The following TENM4 variants were observed in gnomAD, a reference collection of about 807,000 sequenced individuals.
The protein encoded by TENM4 is teneurin transmembrane protein 4.
In TENM4, 82 loss-of-function variants were observed where a neutral mutation model predicts 243.3. The observed-to-expected ratio is 0.34, with a 90% confidence interval of 0.28 to 0.40. The LOEUF is 0.40. TENM4 is among the 10% of genes least tolerant of loss of function. The pLI is 1.00. For missense variants in TENM4, 3,138 were observed against 3,673.3 expected (o/e 0.85, Z 3.77); for synonymous variants, 1,412 against 1,456.3 (o/e 0.97, Z 0.69).
At chr11:79,433,625 C>G (rs1309400054) in intron 1 of TENM4, among the ~76,000 whole-genome samples, 1 of 152,174 alleles carries the variant, frequency 6.6e-6, no homozygotes, top group Non-Finnish European at 1.5e-5. Context: ...CTCTGATACC[C>G]TTTTGCACTA....
At chr11:79,231,815 A>C (rs1864378976) in intron 2 of TENM4, among the ~76,000 whole-genome samples, 1 of 152,184 alleles carries the variant, frequency 6.6e-6, no homozygotes, top group Non-Finnish European at 1.5e-5. Flanking sequence ...GTGATGGCTC[A>C]TGCCTCATAA....
chr11:78,814,952 C>T (rs1857573346), intron 12 of TENM4, among the ~76,000 whole-genome samples: 1 of 152,204 alleles, frequency 6.6e-6, no homozygotes, highest in South Asian at 2.1e-4. Context: ...CCTCTTGCTC[C>T]TCACCTTGAT....
At chr11:79,186,303 C>T (rs1235911930) in intron 3 of TENM4, among the ~76,000 whole-genome samples, 3 of 152,146 alleles carry the variant, frequency 2.0e-5, no homozygotes, top group African/African-American at 4.8e-5. Context: ...CACCATACAG[C>T]CTCCCGCCCT....
At chr11:79,143,654 T>C (rs1862338405) in intron 4 of TENM4, among the ~76,000 whole-genome samples, 1 of 151,816 alleles carries the variant, frequency 6.6e-6, no homozygotes, top group African/African-American at 2.4e-5. Flanking sequence ...TGTGCACATG[T>C]ATCCTAGAAC....
chr11:78,763,396 G>A (rs920948394), intron 18 of TENM4, among the ~76,000 whole-genome samples: 5 of 152,174 alleles, frequency 3.3e-5, no homozygotes, highest in African/African-American at 1.2e-4. Flanking sequence ...AAAAAAAGAA[G>A]GGGGGCCAGC....
chr11:79,074,965 C>T (rs991095894), intron 4 of TENM4, among the ~76,000 whole-genome samples: 2 of 152,316 alleles, frequency 1.3e-5, no homozygotes, highest in South Asian at 2.1e-4. Flanking sequence ...CCCTGCTGCA[C>T]CTCCGTCTCT....
At chr11:79,079,615 A>T (rs1379311693) in intron 4 of TENM4, among the ~76,000 whole-genome samples, 1 of 152,102 alleles carries the variant, frequency 6.6e-6, no homozygotes, top group East Asian at 1.9e-4. Flanking sequence ...AGATCACTTG[A>T]GGCCGGGAGT....
At chr11:78,674,673 G>T (rs59140225) in intron 30 of TENM4, among the ~76,000 whole-genome samples, 19,315 of 151,942 alleles carry the variant, frequency 0.13, 4,021 homozygotes, top group African/African-American at 0.44. Flanking sequence ...TCAGACGGGG[G>T]AGCTCAGTGA....
chr11:78,713,543 GT>G (rs1466884644), intron 25 of TENM4, among the ~76,000 whole-genome samples: 2 of 152,200 alleles, frequency 1.3e-5, no homozygotes, highest in Non-Finnish European at 2.9e-5. Context: ...AACAGTCTGG[GT>G]TCCAAGTCTA....
rs1205135653 is a variant in TENM4 at position 78,689,203 on chromosome 11, A to C, written c.5088-977T>G. ...TTCAAACTCAGATCTATTTGCTTCC[A>C]AACTGCCACCTGCCTCTCTGTCTTC... is the stretch of plus-strand genomic sequence containing the variant. On this transcript the variant is annotated intron_variant, in intron 28 of 33. Coordinates refer to ENST00000278550, the MANE Select transcript of TENM4 (RefSeq NM_001098816.3). Among the ~76,000 whole-genome samples the C allele has an allele frequency of 3.9e-5, 6 of 152,230 alleles. No individual in the cohort carries two copies. The East Asian group carries it at 1.2e-3, about 29-fold the overall frequency.
At chr11:78,701,185 T>C (rs1452763067) in intron 28 of TENM4, among the ~76,000 whole-genome samples, 1 of 151,896 alleles carries the variant, frequency 6.6e-6, no homozygotes, top group Non-Finnish European at 1.5e-5. Context: ...TAGCACTTCA[T>C]CAGGTAAGTA....
At position 79,350,329 on chromosome 11, in the gene TENM4, C is replaced by T. The variant is rs1005657109; in HGVS notation, c.-320-52786G>A. Among the ~76,000 whole-genome samples, 20 of 152,268 alleles carry T rather than the reference C, an allele frequency of 1.3e-4. 1 individual carries two copies. Among genetic ancestry groups the T allele is most frequent in the Admixed American group, 7.2e-4 (11 of 15,296 alleles). On this transcript the variant is annotated intron_variant, in intron 1 of 33. Coordinates refer to ENST00000278550, the MANE Select transcript of TENM4 (RefSeq NM_001098816.3). ...GTCTTTCCCACCCAGGCACCTCATA[C>T]GCAAATTCCAGCAACCTCTACTGCT...
At chr11:79,005,856 T>C (rs1323957220) in intron 6 of TENM4, among the ~76,000 whole-genome samples, 1 of 152,196 alleles carries the variant, frequency 6.6e-6, no homozygotes, top group African/African-American at 2.4e-5. Context: ...CCACAGTTTC[T>C]ACCCAAAAGC....
At chr11:79,307,832 T>C (rs1856652529) in intron 1 of TENM4, among the ~76,000 whole-genome samples, 2 of 152,234 alleles carry the variant, frequency 1.3e-5, no homozygotes, top group South Asian at 4.1e-4. Context: ...GGATGAAAAC[T>C]GAGAGGATAT....
chr11:79,193,746 G>T (rs917944563), intron 3 of TENM4, among the ~76,000 whole-genome samples: 12 of 152,166 alleles, frequency 7.9e-5, no homozygotes, highest in Non-Finnish European at 1.6e-4. Context: ...CTCCCACCTT[G>T]CAGGGAAATA....
intron 6 of TENM4, among the ~76,000 whole-genome samples, chr11:78,965,647 C>T (rs1374796959): frequency 3.9e-5 from 6 of 152,278 alleles, no homozygotes; most frequent in East Asian, 1.9e-4. Context: ...GGGGTGAGAA[C>T]GGCAGAACGG....
chr11:79,369,867 A>C (rs189927534), intron 1 of TENM4, among the ~76,000 whole-genome samples: 102 of 152,300 alleles, frequency 6.7e-4, no homozygotes, highest in African/African-American at 2.4e-3. Context: ...TTTATTTGTG[A>C]AATTATTTAA....
rs369418328 is a variant in TENM4 at position 78,919,994 on chromosome 11, G to A, written c.494-16471C>T. Among the ~76,000 whole-genome samples the A allele has an allele frequency of 4.6e-5, 7 of 152,214 alleles. No homozygotes were observed. The East Asian group carries it at 9.7e-4, about 21-fold the overall frequency. On this transcript the variant is annotated intron_variant, in intron 6 of 33. Transcript: ENST00000278550. Reference sequence around the variant, plus strand: ...GCTTGTCCAGCTAGCACACTAACTCGTATGCATGCATATGTCCCCCACTAA... The same window carrying A: ...GCTTGTCCAGCTAGCACACTAACTCATATGCATGCATATGTCCCCCACTAA...
chr11:78,670,189 G>C lies in TENM4; in HGVS notation c.6156C>G (p.Thr2052=). 6.2e-7 allele frequency: 1 copy of C among 1,613,920 alleles called. No individual in the cohort carries two copies. Among genetic ancestry groups the C allele is most frequent in the Non-Finnish European group, 8.5e-7 (1 of 1,179,866 alleles). The stretch of plus-strand genomic sequence containing the variant: ...CAATCTGACGGTAGCGGATGGTGCA[G>C]GTGAAGCCCTCATTCTGTAGGTTGA... ...KTINLQNEGF[T]CTIRYRQIGP... The change falls in exon 32 of 34, where the codon ACC becomes ACG. Residue 2052 remains threonine, a synonymous_variant. Coordinates refer to ENST00000278550, the MANE Select transcript of TENM4 (RefSeq NM_001098816.3).
Sources: gnomAD v4.1 joint callset for allele counts (sites outside exome capture counted in the v4.1 genomes callset) on GRCh38, gnomAD v4.1.1 for gene constraint, MANE v1.5 for transcripts, NCBI Gene and HGNC (gene_info 2026-07-23, HGNC 2026-07-21) for gene names.